LAYN: variants seen among roughly 807,000 people sequenced by gnomAD.
LAYN encodes the protein layilin.
A neutral mutation model predicts 43.6 loss-of-function variants in LAYN; 38 were observed. The ratio of observed to expected loss-of-function variants is 0.87; its 90% CI spans 0.67 to 1.14. The LOEUF is 1.14. Among genes scored for constraint, LAYN ranks in the 50% most tolerant of loss-of-function variants. The probability of loss-of-function intolerance (pLI) is 0.00; values close to 1 mark genes in which losing one functional copy is unlikely to be tolerated. For synonymous variants in LAYN, 168 were observed against 172.9 expected, an observed-to-expected ratio of 0.97 and a Z score of 0.22; for missense variants, 479 against 463.8, an observed-to-expected ratio of 1.03 and a Z score of -0.30.
Position 111,543,296 on chromosome 11 carries a change from A to G in LAYN, c.86-627A>G, listed in dbSNP as rs529990092. On this transcript the variant is annotated intron_variant, in intron 1 of 6. Coordinates refer to ENST00000375614, the MANE Select transcript of LAYN (RefSeq NM_178834.5). Reference sequence around the variant, plus strand: ...AGGGTTACATGAGATAAAGTATGTAAGTAAATGTTAAGCCCTTACCATAGT... The same window carrying G: ...AGGGTTACATGAGATAAAGTATGTAGGTAAATGTTAAGCCCTTACCATAGT... Among the ~76,000 whole-genome samples the G allele has an allele frequency of 2.0e-5, 3 of 152,370 alleles. No homozygotes were observed. The East Asian group carries it at 5.8e-4, about 29-fold the overall frequency.
chr11:111,560,590 C>A lies in LAYN; in HGVS notation c.*132C>A. ...CAGGTCCTGTGGATGAGCATGTGGTCCCCACGACCTCCTGTTGGACCCCCA... is the reference window on the plus strand; with the variant it reads ...CAGGTCCTGTGGATGAGCATGTGGTACCCACGACCTCCTGTTGGACCCCCA... On this transcript the variant is annotated 3_prime_UTR_variant, in exon 7 of 7. Transcript: ENST00000375614. The A allele has an allele frequency of 2.0e-6, 2 of 1,000,574 alleles. No individual in the cohort carries two copies. Among genetic ancestry groups the A allele is most frequent in the South Asian group, 1.8e-5 (1 of 56,568 alleles). 62.0% of individuals were successfully genotyped at this position (1,000,574 alleles called of 1,614,324 possible).
intron 3 of LAYN, among the ~76,000 whole-genome samples, chr11:111,551,983 G>A (rs1216019941): frequency 6.8e-6 from 1 of 147,250 alleles, no homozygotes; most frequent in Non-Finnish European, 1.5e-5. Context: ...CTTGTTTGCA[G>A]GAAAAATGTT....
At position 111,555,230 on chromosome 11, in the gene LAYN, C is replaced by A; in HGVS notation, c.598C>A (p.Pro200Thr). The A allele has an allele frequency of 6.2e-7, 1 of 1,613,868 alleles. No homozygotes were observed. Among genetic ancestry groups the A allele is most frequent in the Non-Finnish European group, 8.5e-7 (1 of 1,179,830 alleles). ...AGGTGAGGAAACAGAGCTGACAACA[C>A]CTGTACTTCCAGAAGAAACACAGGA... ...AEGEETELTT[P>T]VLPEETQEED... The change falls in exon 5 of 7, where the codon CCT (proline) becomes ACT (threonine). Residue 200 changes from proline to threonine, a missense_variant. By Grantham distance (38) the Pro-to-Thr change is conservative. Transcript: ENST00000375614.
Position 111,551,327 on chromosome 11 carries a change from G to T in LAYN, c.541+1552G>T, listed in dbSNP as rs1001687942. 8.8e-6 allele frequency: 4 copies of T among 456,044 alleles called. No homozygotes were observed. In the East Asian group the frequency reaches 2.8e-4, roughly 32 times the overall value. The allele number at this position is 456,044 out of a possible 1,614,324, so 28.2% of individuals were successfully genotyped here. On this transcript the variant is annotated intron_variant, in intron 3 of 6. Coordinates refer to ENST00000375614, the MANE Select transcript of LAYN (RefSeq NM_178834.5). ...GACCTTCTGCCTTTGCCTCTCATTG[G>T]CTAAGTCCAATCAGAGACCAAAGAA...
At chr11:111,545,943 C>T (rs1349102060) in intron 2 of LAYN, among the ~76,000 whole-genome samples, 1 of 152,222 alleles carries the variant, frequency 6.6e-6, no homozygotes, top group African/African-American at 2.4e-5. Context: ...GTGTCAAAGA[C>T]TTAGCATTGG....
chr11:111,557,523 TGC>T lies in LAYN; in HGVS notation c.659-17_659-16del, dbSNP rs762508002. 1 of 1,595,316 alleles carries T rather than the reference TGC, an allele frequency of 6.3e-7. No homozygotes were observed. ...CAAAAAACAGCCAATGCTGATCATG[TGC>T]TTTCTTTCTTTTCAGAAGCTGCCTT... On this transcript the variant is annotated splice_polypyrimidine_tract_variant and intron_variant, in intron 5 of 6. Transcript: ENST00000375614.
chr11:111,547,134 A>G (rs893012447), intron 2 of LAYN, among the ~76,000 whole-genome samples: 11 of 152,220 alleles, frequency 7.2e-5, no homozygotes, highest in African/African-American at 2.4e-4. Context: ...CTAGAGCCCA[A>G]AGAGACCTAC....
intron 5 of LAYN, among the ~76,000 whole-genome samples, chr11:111,556,140 C>T (rs1039537423): frequency 6.6e-6 from 1 of 152,142 alleles, no homozygotes; most frequent in Non-Finnish European, 1.5e-5. Flanking sequence ...ACTAGAACAA[C>T]CTACAGAACT....
At chr11:111,545,371 A>G (rs1404408820) in intron 2 of LAYN, among the ~76,000 whole-genome samples, 1 of 152,174 alleles carries the variant, frequency 6.6e-6, no homozygotes, top group African/African-American at 2.4e-5. Context: ...CATGATCCAC[A>G]TCCTCATATC....
At chr11:111,555,078 T>C in intron 4 of LAYN, 129 bp from the exon 5 acceptor site, 1 of 660,228 alleles carries the variant, frequency 1.5e-6, no homozygotes, top group Non-Finnish European at 2.7e-6. Flanking sequence ...TTTACTTTTC[T>C]ACGTTTATAG....
At chr11:111,541,459 G>A in intron 1 of LAYN, 1 of 1,176,518 alleles carries the variant, frequency 8.5e-7, no homozygotes, top group South Asian at 1.3e-5. Flanking sequence ...CCCGGTATGA[G>A]AGCGCTTAGA....
At chr11:111,545,638 C>T (rs1591564928) in intron 2 of LAYN, among the ~76,000 whole-genome samples, 1 of 152,182 alleles carries the variant, frequency 6.6e-6, no homozygotes, top group Non-Finnish European at 1.5e-5. Flanking sequence ...AGTGATAACT[C>T]ATCGTTTAGT....
intron 1 of LAYN, 116 bp downstream of exon 1, chr11:111,541,044 A>C: frequency 1.1e-6 from 1 of 905,976 alleles, no homozygotes. Flanking sequence ...CCCATGCCCC[A>C]CTCCCAGACG....
intron 6 of LAYN, among the ~76,000 whole-genome samples, chr11:111,558,874 G>A (rs1213167721): frequency 2.6e-5 from 4 of 151,020 alleles, no homozygotes; most frequent in African/African-American, 9.7e-5. Context: ...TGCAACCTCC[G>A]CCTCCCGGGT....
intron 2 of LAYN, 99 bp downstream of exon 2, chr11:111,544,319 A>G: frequency 3.4e-6 from 4 of 1,174,066 alleles, no homozygotes; most frequent in Non-Finnish European, 4.8e-6. Flanking sequence ...AGAGAAGACC[A>G]ACCAGGCAGA....
intron 2 of LAYN, among the ~76,000 whole-genome samples, chr11:111,545,076 T>A (rs5019256): frequency 2.5e-3 from 364 of 145,702 alleles, no homozygotes; most frequent in East Asian, 0.013. Flanking sequence ...ATATATATAT[T>A]TTTTACCTAT....
chr11:111,553,757 T>C lies in LAYN; in HGVS notation c.542-804T>C, dbSNP rs559682762. ...ACACACACACACACACACACACTTATGGGAAGATGACTAAAAGTTTTTGTC... is the reference window on the plus strand; with the variant it reads ...ACACACACACACACACACACACTTACGGGAAGATGACTAAAAGTTTTTGTC... On this transcript the variant is annotated intron_variant, in intron 3 of 6. Coordinates refer to ENST00000375614, the MANE Select transcript of LAYN (RefSeq NM_178834.5). Among the ~76,000 whole-genome samples the C allele has an allele frequency of 9.4e-3, 1,114 of 119,046 alleles. 21 individuals carry two copies. Among genetic ancestry groups the C allele is most frequent in the African/African-American group, 0.03 (1,034 of 34,108 alleles). The allele number at this position is 119,046 out of a possible 152,430, so 78.1% of individuals were successfully genotyped here.
intron 1 of LAYN, 141 bp downstream of exon 1, chr11:111,541,069 C>A: frequency 1.3e-6 from 1 of 769,544 alleles, no homozygotes; most frequent in South Asian, 1.8e-5. Flanking sequence ...CCTTCGGAGT[C>A]TCTTGCGTTC....
Position 111,544,059 on chromosome 11 carries a change from G to C in LAYN, c.222G>C (p.Glu74Asp). ...RRDGGQLVSI[E>D]SEDEQKLIEK... ...ATGGAGGCCAGCTAGTCAGCATCGA[G>C]TCTGAAGATGAACAGAAACTGATAG... is the stretch of plus-strand genomic sequence containing the variant. Residue 74 changes from glutamate to aspartate, a missense_variant, in exon 2 of 7, where the codon GAG (glutamate) becomes GAC (aspartate). By Grantham distance (45) the Glu-to-Asp change is conservative. Transcript: ENST00000375614. 1 of 1,614,206 alleles carries C rather than the reference G, an allele frequency of 6.2e-7. No homozygotes were observed. The highest frequency in any genetic ancestry group is 8.5e-7 in the Non-Finnish European group (1 of 1,180,050).
Sources: gnomAD v4.1 joint callset for allele counts (sites outside exome capture counted in the v4.1 genomes callset) on GRCh38, gnomAD v4.1.1 for gene constraint, MANE v1.5 for transcripts, NCBI Gene and HGNC (gene_info 2026-07-23, HGNC 2026-07-21) for gene names.